Variants in NIPBL observed in about 807,000 individuals in gnomAD.
NIPBL encodes nipped-B-like protein.
Under a neutral mutation model 321.8 loss-of-function variants are expected in NIPBL, and 19 were observed. The ratio of observed to expected loss-of-function variants is 0.06; its 90% CI spans 0.04 to 0.09. The LOEUF (loss-of-function observed/expected upper bound fraction) is 0.09. Ranked by LOEUF, NIPBL falls within the 10% of genes least tolerant of loss-of-function variation. The pLI is 1.00. For synonymous variants in NIPBL, 1,106 were observed against 1,114.1 expected (o/e 0.99, Z 0.14); for missense variants, 2,210 against 3,327.0 (o/e 0.66, Z 8.26).
At position 36,985,850 on chromosome 5, in the gene NIPBL, T is replaced by C. The variant is rs1744726992; in HGVS notation, c.2670T>C (p.Pro890=). Residue 890 remains proline (P), a synonymous_variant, in exon 10 of 47, where the codon CCT becomes CCC. Transcript: ENST00000282516. ...CTTCTGGGGAACAAAAATCAAGACC[T>C]GACAGTCCTCGTGTTAAACAAGGAG... ...RPSSGEQKSR[P]DSPRVKQGDS... 1.2e-6 allele frequency: 2 copies of C among 1,613,824 alleles called. No individual in the cohort carries two copies. The highest frequency in any genetic ancestry group is 1.7e-6 in the Non-Finnish European group (2 of 1,179,900).
chr5:37,036,347 G>GTATATA (rs10554564), intron 32 of NIPBL, 32 bp from the exon 33 acceptor site: 168 of 384,480 alleles, frequency 4.4e-4, no homozygotes, highest in African/African-American at 3.4e-3. Flanking sequence ...ATATATATAT[G>GTATATA]TATATATATA....
intron 34 of NIPBL, among the ~76,000 whole-genome samples, chr5:37,041,252 GTTTTTTTTTTTTTTTTTTT>G (rs1163179336): frequency 1.6e-5 from 1 of 64,006 alleles, no homozygotes; most frequent in Admixed American, 1.9e-4. Flanking sequence ...TTATGTGGTG[GTTTTTTTTTTTTTTTTTTT>G]TTTTTTTTTT....
intron 34 of NIPBL, among the ~76,000 whole-genome samples, chr5:37,041,245 T>C (rs1006363784): frequency 2.8e-5 from 4 of 144,634 alleles, no homozygotes; most frequent in East Asian, 2.0e-4. Context: ...TTTGTTGTTA[T>C]GTGGTGGTTT....
At chr5:36,936,957 G>A (rs1456058948) in intron 1 of NIPBL, among the ~76,000 whole-genome samples, 1 of 151,986 alleles carries the variant, frequency 6.6e-6, no homozygotes. Context: ...CAATTAGGGA[G>A]GCTAATCAGT....
At chr5:37,031,039 A>C (rs1295849503) in intron 32 of NIPBL, among the ~76,000 whole-genome samples, 1 of 150,216 alleles carries the variant, frequency 6.7e-6, no homozygotes, top group Non-Finnish European at 1.5e-5. Context: ...GGTGGAGTGC[A>C]GTGGCACGAT....
intron 34 of NIPBL, among the ~76,000 whole-genome samples, chr5:37,040,742 A>G (rs191593630): frequency 6.6e-5 from 10 of 152,306 alleles, no homozygotes; most frequent in African/African-American, 2.2e-4. Context: ...GGTTGAAACA[A>G]TGGTTATTTT....
In NIPBL at chr5:36,955,600, C is replaced by A; in HGVS notation, c.193C>A (p.Leu65Ile). 1 of 1,613,946 alleles carries A rather than the reference C, an allele frequency of 6.2e-7. No homozygotes were observed. Among genetic ancestry groups the A allele is most frequent in the Admixed American group, 1.7e-5 (1 of 60,030 alleles). The stretch of plus-strand genomic sequence containing the variant: ...TAGGGATGACAATTTGGTTTCACAG[C>A]TTGTCCATAGCCTCAACCAGGTATC... ...ACRDDNLVSQ[L>I]VHSLNQVSTD... Residue 65 changes from leucine (L) to isoleucine (I), a missense_variant, in exon 3 of 47, where the codon CTT (leucine) becomes ATT (isoleucine). Leu to Ile is a conservative substitution (Grantham distance 5). This residue lies in a region of NIPBL where 464 missense variants were observed against 529.5 expected (regional missense o/e 0.88). Coordinates refer to ENST00000282516, the MANE Select transcript of NIPBL (RefSeq NM_133433.4).
intron 1 of NIPBL, among the ~76,000 whole-genome samples, chr5:36,920,924 C>T (rs1748889104): frequency 6.6e-6 from 1 of 151,378 alleles, no homozygotes. Flanking sequence ...CCATTCTCTG[C>T]TTTGGCTGCT....
intron 7 of NIPBL, 168 bp from the exon 8 acceptor site, chr5:36,971,777 A>G (rs1009070511): frequency 5.3e-5 from 52 of 976,906 alleles, no homozygotes; most frequent in Non-Finnish European, 5.5e-5. Flanking sequence ...TACAATTTCA[A>G]TTCTTCTAAG....
chr5:36,893,167 G>A (rs1746473186), intron 1 of NIPBL, among the ~76,000 whole-genome samples: 2 of 152,132 alleles, frequency 1.3e-5, no homozygotes, highest in Admixed American at 1.3e-4. Context: ...TGCCTCTTCA[G>A]TTAGTTTTAT....
intron 1 of NIPBL, among the ~76,000 whole-genome samples, chr5:36,888,419 T>C (rs1218010584): frequency 6.6e-6 from 1 of 152,160 alleles, no homozygotes; most frequent in Non-Finnish European, 1.5e-5. Context: ...TGTATATTCA[T>C]TTCAATACTT....
Position 37,045,426 on chromosome 5 carries a change from T to C in NIPBL, c.6344-17T>C, listed in dbSNP as rs1249496853. 1.9e-6 allele frequency: 3 copies of C among 1,539,136 alleles called. No individual in the cohort carries two copies. In the African/African-American group the frequency reaches 4.1e-5, roughly 21 times the overall value. On this transcript the variant is annotated splice_polypyrimidine_tract_variant and intron_variant, in intron 36 of 46. Transcript: ENST00000282516. The stretch of plus-strand genomic sequence containing the variant: ...CAAAGATAAATATTATAAGTAAATA[T>C]TACTTATCTTTATTAGGTGCCATTT...
intron 1 of NIPBL, among the ~76,000 whole-genome samples, chr5:36,923,175 G>A (rs1242478635): frequency 5.3e-5 from 8 of 151,776 alleles, no homozygotes; most frequent in South Asian, 2.1e-4. Flanking sequence ...GTGTGGTGGC[G>A]TGCACCTGTA....
intron 21 of NIPBL, among the ~76,000 whole-genome samples, chr5:37,012,392 C>T (rs1280629479): frequency 6.8e-6 from 1 of 146,516 alleles, no homozygotes; most frequent in African/African-American, 2.5e-5. Context: ...GCTTTGATAT[C>T]CTGAATCAGT....
intron 11 of NIPBL, among the ~76,000 whole-genome samples, chr5:36,998,180 T>G (rs934474761): frequency 2.0e-5 from 3 of 152,106 alleles, no homozygotes; most frequent in African/African-American, 7.2e-5. Context: ...TCCCCTCCCC[T>G]GCTTATTCCA....
chr5:36,896,086 C>G (rs1746712048), intron 1 of NIPBL, among the ~76,000 whole-genome samples: 1 of 152,156 alleles, frequency 6.6e-6, no homozygotes, highest in South Asian at 2.1e-4. Flanking sequence ...TACTCTGATC[C>G]ATTTTGAGTT....
intron 42 of NIPBL, 76 bp from the exon 43 acceptor site, chr5:37,057,110 T>G: frequency 6.6e-7 from 1 of 1,524,370 alleles, no homozygotes; most frequent in Non-Finnish European, 8.9e-7. Flanking sequence ...TGCCCTGTAT[T>G]TTTTCTAAAA....
chr5:37,026,811 G>A (rs903763269), intron 31 of NIPBL, among the ~76,000 whole-genome samples: 7 of 151,676 alleles, frequency 4.6e-5, no homozygotes, highest in Admixed American at 4.6e-4. Context: ...GGGGGATCAA[G>A]AGATCTTTGA....
intron 9 of NIPBL, among the ~76,000 whole-genome samples, chr5:36,976,679 A>C (rs1743499069): frequency 6.6e-6 from 1 of 152,112 alleles, no homozygotes; most frequent in Non-Finnish European, 1.5e-5. Flanking sequence ...TTTCTGCTAA[A>C]ATGAACATTA....
Sources: allele counts gnomAD v4.1 joint callset (sites outside exome capture counted in the v4.1 genomes callset), GRCh38; gene constraint gnomAD v4.1.1; regional missense constraint gnomAD v4.1.1; transcripts MANE v1.5; gene names NCBI Gene and HGNC (gene_info 2026-07-23, HGNC 2026-07-21).